AOX1: variants seen among roughly 807,000 people sequenced by gnomAD.
AOX1 encodes aldehyde oxidase 1, also known as aldehyde oxidase.
Under a neutral mutation model 169.5 loss-of-function variants are expected in AOX1, and 153 were observed. The ratio of observed to expected loss-of-function variants is 0.90; its 90% confidence interval spans 0.79 to 1.03. AOX1 has a LOEUF of 1.03. AOX1 is among the 50% of genes least tolerant of loss of function. AOX1 has a pLI of 0.00. For missense variants in AOX1, 1,656 were observed against 1,663.9 expected, an observed-to-expected ratio of 1.00 and a Z score of 0.08; for synonymous variants, 562 against 581.9, an observed-to-expected ratio of 0.97 and a Z score of 0.49.
intron 12 of AOX1, among the ~76,000 whole-genome samples, chr2:200,609,759 G>A (rs968244421): frequency 1.5e-4 from 23 of 152,154 alleles, no homozygotes; most frequent in Non-Finnish European, 3.2e-4. Flanking sequence ...TTCTCCAGGT[G>A]GTACAGGAGT....
rs2034096771 is a variant in AOX1, at chr2:200,588,726, C to CTTTTTTTTTTCTTTTTTTTTTT, written c.45+2583_45+2584insCTTTTTTTTTTTTTTTTTTTTT. On this transcript the variant is annotated intron_variant, in intron 1 of 34. Transcript: ENST00000374700. ...CTTACATGGAAAGAACTAGAATAAG[C>CTTTTTTTTTTCTTTTTTTTTTT]TTTTTTTTTTTTTTTTTTTTTGAGA... 5.6e-5 allele frequency among the ~76,000 whole-genome samples: 3 copies of CTTTTTTTTTTCTTTTTTTTTTT among 53,986 alleles called. 1 individual carries two copies. The highest frequency in any genetic ancestry group is 1.8e-4 in the African/African-American group (3 of 16,252). The allele number at this position is 53,986 out of a possible 152,430, so 35.4% of individuals were successfully genotyped here.
At chr2:200,618,509 C>T (rs2034816168) in intron 16 of AOX1, among the ~76,000 whole-genome samples, 1 of 152,144 alleles carries the variant, frequency 6.6e-6, no homozygotes, top group African/African-American at 2.4e-5. Flanking sequence ...TACTTCTTGT[C>T]ATTTATGTTA....
At chr2:200,637,393 T>TAC (rs2035256340) in intron 22 of AOX1, among the ~76,000 whole-genome samples, 1 of 152,174 alleles carries the variant, frequency 6.6e-6, no homozygotes, top group African/African-American at 2.4e-5. Context: ...TACCTATATA[T>TAC]ACATACACAC....
chr2:200,623,444 C>A (rs775894909), intron 18 of AOX1, among the ~76,000 whole-genome samples: 1 of 152,228 alleles, frequency 6.6e-6, no homozygotes, highest in South Asian at 2.1e-4. Flanking sequence ...CCCAGGTCAT[C>A]CCCTTTTTCT....
Position 200,638,200 on chromosome 2 carries a change from T to C in AOX1, c.2481-15T>C, listed in dbSNP as rs1001586395. 6.2e-7 allele frequency: 1 copy of C among 1,612,496 alleles called. No individual in the cohort carries two copies. Among genetic ancestry groups the C allele is most frequent in the African/African-American group, 1.3e-5 (1 of 74,986 alleles). Reference sequence around the variant, plus strand: ...GGTAAAAGAGGTTACCTCACTTACTTTTTTTCTGTTTTAGACATGGCCGTG... The same window carrying C: ...GGTAAAAGAGGTTACCTCACTTACTCTTTTTCTGTTTTAGACATGGCCGTG... On this transcript the variant is annotated splice_polypyrimidine_tract_variant and intron_variant, in intron 22 of 34. Coordinates refer to ENST00000374700, the MANE Select transcript of AOX1 (RefSeq NM_001159.4).
At chr2:200,655,046 CA>C (rs2035655010) in intron 26 of AOX1, among the ~76,000 whole-genome samples, 1 of 152,210 alleles carries the variant, frequency 6.6e-6, no homozygotes, top group Admixed American at 6.5e-5. Flanking sequence ...GTAGCTTAAT[CA>C]CATGGGCCAA....
chr2:200,659,782 T>TCACA (rs763022331), intron 28 of AOX1, among the ~76,000 whole-genome samples: 30 of 134,682 alleles, frequency 2.2e-4, no homozygotes, highest in East Asian at 4.7e-4. Context: ...GCCAGTTCTC[T>TCACA]CTCTCACACA....
chr2:200,659,868 G>C, intron 28 of AOX1, 127 bp from the exon 29 acceptor site: 1 of 686,846 alleles, frequency 1.5e-6, no homozygotes, highest in Non-Finnish European at 2.5e-6. Flanking sequence ...CCTTCATACA[G>C]GGTTGGTGTC....
At chr2:200,595,641 G>A (rs2034267547) in intron 3 of AOX1, among the ~76,000 whole-genome samples, 1 of 152,068 alleles carries the variant, frequency 6.6e-6, no homozygotes, top group Non-Finnish European at 1.5e-5. Context: ...GCTGTCAGGA[G>A]GATTGCTTGA....
In AOX1 at chr2:200,656,921, A is replaced by G; in HGVS notation, c.3155A>G (p.His1052Arg). ...HGGIEMGQGV[H>R]TKMIQVVSRE... ...GGAATTGAAATGGGGCAGGGGGTCC[A>G]CACTAAAATGATTCAGGTAAGAATG... The change falls in exon 27 of 35, where the codon CAC becomes CGC. Residue 1052 changes from histidine to arginine, a missense_variant. By Grantham distance (29) the His-to-Arg change is conservative. Transcript: ENST00000374700. The G allele has an allele frequency of 6.3e-7, 1 of 1,578,282 alleles. No homozygotes were observed. Among genetic ancestry groups the G allele is most frequent in the South Asian group, 1.2e-5 (1 of 83,534 alleles).
Position 200,605,540 on chromosome 2 carries a change from T to C in AOX1, c.819T>C (p.Pro273=). The C allele has an allele frequency of 6.5e-7, 1 of 1,534,566 alleles. No homozygotes were observed. The highest frequency in any genetic ancestry group is 8.8e-7 in the Non-Finnish European group (1 of 1,138,344). The part of the protein sequence containing the change: ...PVIMGNTSVG[P]EVKFKGVFHP... Reference sequence around the variant, plus strand: ...TTTTTTTTTTTGATCCTTTAGGGCCTGAAGTGAAATTTAAAGGCGTCTTTC... The same window carrying C: ...TTTTTTTTTTTGATCCTTTAGGGCCCGAAGTGAAATTTAAAGGCGTCTTTC... The change falls in exon 10 of 35, where the codon CCT becomes CCC. Residue 273 remains proline, a synonymous_variant. Coordinates refer to ENST00000374700, the MANE Select transcript of AOX1 (RefSeq NM_001159.4).
downstream of AOX1, chr2:200,679,478 G>C (rs1474928825): frequency 6.6e-6 from 1 of 152,166 alleles, no homozygotes; most frequent in Non-Finnish European, 1.5e-5. Flanking sequence ...CTCGTTGTCT[G>C]GGTGATCGCT....
chr2:200,628,667 G>A (rs2035052409), intron 20 of AOX1, among the ~76,000 whole-genome samples: 2 of 152,148 alleles, frequency 1.3e-5, no homozygotes, highest in Admixed American at 6.5e-5. Flanking sequence ...GGTGACTCAT[G>A]CCTATAATCC....
chr2:200,592,559 G>T (rs919741161), intron 1 of AOX1, among the ~76,000 whole-genome samples: 38 of 152,168 alleles, frequency 2.5e-4, no homozygotes, highest in Non-Finnish European at 5.0e-4. Flanking sequence ...GTGCCAGGCT[G>T]CTCCCATGAA....
chr2:200,591,938 G>C (rs1254274806), intron 1 of AOX1, among the ~76,000 whole-genome samples: 1 of 152,040 alleles, frequency 6.6e-6, no homozygotes, highest in Non-Finnish European at 1.5e-5. Context: ...AAGCCCAAGT[G>C]GAAGAACTTG....
At chr2:200,607,156 A>T (rs991106882) in intron 10 of AOX1, among the ~76,000 whole-genome samples, 1 of 152,224 alleles carries the variant, frequency 6.6e-6, no homozygotes, top group South Asian at 2.1e-4. Context: ...GATATGATCC[A>T]TCAATACCTA....
At chr2:200,667,990 G>A (rs1195916539) in intron 32 of AOX1, among the ~76,000 whole-genome samples, 1 of 152,040 alleles carries the variant, frequency 6.6e-6, no homozygotes, top group African/African-American at 2.4e-5. Context: ...GGGTGCTTGG[G>A]CTCCAGACTC....
At chr2:200,659,111 A>G (rs2035754109) in intron 27 of AOX1, 54 bp from the exon 28 acceptor site, 2 of 1,589,222 alleles carry the variant, frequency 1.3e-6, no homozygotes, top group Non-Finnish European at 1.7e-6. Flanking sequence ...GGGCATGTGC[A>G]CAGGTCTGTG....
At chr2:200,616,134 G>A in intron 16 of AOX1, 71 bp downstream of exon 16, 1 of 1,092,982 alleles carries the variant, frequency 9.1e-7, no homozygotes, top group South Asian at 1.3e-5. Context: ...CATTCCCACT[G>A]TCTCTCCGTG....
Sources: gnomAD v4.1 joint callset for allele counts (sites outside exome capture counted in the v4.1 genomes callset) on GRCh38, gnomAD v4.1.1 for gene constraint, MANE v1.5 for transcripts, NCBI Gene and HGNC (gene_info 2026-07-23, HGNC 2026-07-21) for gene names.